Variants in TYW1B observed in about 807,000 individuals in gnomAD.
TYW1B encodes tRNA-yW synthesizing protein 1 homolog B.
In TYW1B, 73 loss-of-function variants were observed where a neutral mutation model predicts 86.9. The ratio of observed to expected loss-of-function variants is 0.84; its 90% confidence interval spans 0.70 to 1.02. The LOEUF (loss-of-function observed/expected upper bound fraction) is 1.02, where lower values mean the gene tolerates loss of function less well. TYW1B is among the 50% of genes least tolerant of loss of function. TYW1B has a pLI of 0.00. For synonymous variants in TYW1B, 248 were observed against 292.8 expected, an observed-to-expected ratio of 0.85 and a Z score of 1.56; for missense variants, 637 against 827.4, an observed-to-expected ratio of 0.77 and a Z score of 2.82.
chr7:72,632,285 G>GTATATATATATATAATATATAT (rs1239640717), intron 11 of TYW1B, among the ~76,000 whole-genome samples: 1 of 83,568 alleles, frequency 1.2e-5, no homozygotes, highest in Admixed American at 1.4e-4. Flanking sequence ...ATATATACGT[G>GTATATATATATATAATATATAT]TATATATATA....
chr7:72,785,848 C>A (rs1258350987), intron 6 of TYW1B, among the ~76,000 whole-genome samples: 1 of 152,104 alleles, frequency 6.6e-6, no homozygotes, highest in Non-Finnish European at 1.5e-5. Context: ...CTTAGTGGCT[C>A]GCACCTGTAA....
intron 7 of TYW1B, among the ~76,000 whole-genome samples, chr7:72,777,119 CTCATA>C (rs1402482183): frequency 6.6e-6 from 1 of 152,086 alleles, no homozygotes; most frequent in Non-Finnish European, 1.5e-5. Context: ...TTAACCCAGT[CTCATA>C]TCATATAAGC....
chr7:72,723,123 A>C, intron 9 of TYW1B: 2 of 762,868 alleles, frequency 2.6e-6, no homozygotes, highest in South Asian at 4.9e-5. Flanking sequence ...CCCTACCCCC[A>C]GGGCTTGTAT....
intron 11 of TYW1B, among the ~76,000 whole-genome samples, chr7:72,670,785 T>G (rs1307577319): frequency 6.6e-6 from 1 of 152,242 alleles, no homozygotes; most frequent in Non-Finnish European, 1.5e-5. Context: ...TGCTTTTCAG[T>G]AGCCACTGTA....
intron 11 of TYW1B, among the ~76,000 whole-genome samples, chr7:72,693,523 C>T (rs1554450821): frequency 6.6e-6 from 1 of 151,628 alleles, no homozygotes; most frequent in East Asian, 1.9e-4. Flanking sequence ...ATTCTCCCAC[C>T]TTAGCCTCCT....
At chr7:72,736,463 G>A (rs1787198651) in intron 8 of TYW1B, among the ~76,000 whole-genome samples, 1 of 152,270 alleles carries the variant, frequency 6.6e-6, no homozygotes, top group Admixed American at 6.5e-5. Flanking sequence ...AATAAATTTT[G>A]CTTCTAAGAG....
chr7:72,822,812 G>C (rs1272507988), intron 2 of TYW1B: 2 of 152,170 alleles, frequency 1.3e-5, no homozygotes, highest in Admixed American at 1.3e-4. Context: ...GCAACATAAG[G>C]AGACCCCATC....
At chr7:72,771,093 G>A (rs1332699989) in intron 7 of TYW1B, among the ~76,000 whole-genome samples, 1 of 151,146 alleles carries the variant, frequency 6.6e-6, no homozygotes, top group Non-Finnish European at 1.5e-5. Flanking sequence ...CTCTCGAATA[G>A]CTGGGATTAC....
chr7:72,641,303 T>C (rs185511915), intron 11 of TYW1B, among the ~76,000 whole-genome samples: 5 of 152,110 alleles, frequency 3.3e-5, no homozygotes, highest in African/African-American at 1.2e-4. Context: ...GATGGCTTCA[T>C]TGCCAAACAT....
intron 12 of TYW1B, among the ~76,000 whole-genome samples, chr7:72,626,338 G>A (rs534723976): frequency 2.0e-5 from 3 of 151,258 alleles, no homozygotes; most frequent in African/African-American, 7.3e-5. Flanking sequence ...GAGCAGAGTT[G>A]GCTTTCCCAG....
chr7:72,742,322 G>A (rs1190753902), intron 8 of TYW1B, among the ~76,000 whole-genome samples: 3 of 152,070 alleles, frequency 2.0e-5, no homozygotes, highest in Non-Finnish European at 2.9e-5. Context: ...TAGAGACAAG[G>A]TTTCATCATG....
intron 8 of TYW1B, among the ~76,000 whole-genome samples, chr7:72,739,264 T>A (rs1787257051): frequency 6.6e-6 from 1 of 152,150 alleles, no homozygotes; most frequent in Admixed American, 6.6e-5. Context: ...TATACTATTC[T>A]CTCTCTGCTT....
chr7:72,807,229 T>C lies in TYW1B; in HGVS notation c.560A>G (p.Lys187Arg). Reference protein sequence around the residue: ...GSIEANFRAWKTKFISQLQAL... With the variant: ...GSIEANFRAWRTKFISQLQAL... ...CTGCAGCTGGGAGATGAACTTGGTC[T>C]TCCATGCTCTGAAGTTGGCCTCAAT... The change falls in exon 5 of 14, where the codon AAG (lysine) becomes AGG (arginine). Residue 187 changes from lysine to arginine, a missense_variant. Lys to Arg is a conservative substitution (Grantham distance 26). Coordinates refer to ENST00000620995, the MANE Select transcript of TYW1B (RefSeq NM_001145440.3). 6.2e-7 allele frequency: 1 copy of C among 1,614,162 alleles called. No homozygotes were observed. Among genetic ancestry groups the C allele is most frequent in the South Asian group, 1.1e-5 (1 of 91,088 alleles).
At chr7:72,585,584 G>A (rs1178814053) in intron 13 of TYW1B, among the ~76,000 whole-genome samples, 1 of 152,120 alleles carries the variant, frequency 6.6e-6, no homozygotes, top group Non-Finnish European at 1.5e-5. Context: ...GGGACCAGGT[G>A]GGAGGTAATT....
intron 8 of TYW1B, among the ~76,000 whole-genome samples, chr7:72,739,956 G>A (rs552452077): frequency 6.7e-6 from 1 of 148,304 alleles, no homozygotes; most frequent in Non-Finnish European, 1.5e-5. Flanking sequence ...TCCAGGCCGG[G>A]TATGGTGGCT....
chr7:72,637,548 T>C (rs1449853271), intron 11 of TYW1B, among the ~76,000 whole-genome samples: 4 of 152,164 alleles, frequency 2.6e-5, no homozygotes, highest in Non-Finnish European at 5.9e-5. Flanking sequence ...CAGGTAATCA[T>C]CAGTTTTGTA....
chr7:72,661,120 G>GT (rs1360653073), intron 11 of TYW1B, among the ~76,000 whole-genome samples: 4 of 149,310 alleles, frequency 2.7e-5, no homozygotes, highest in African/African-American at 9.9e-5. Flanking sequence ...GGACATCAGA[G>GT]TAAGACTCTG....
chr7:72,727,048 G>A (rs76696208), intron 9 of TYW1B, among the ~76,000 whole-genome samples: 2 of 152,026 alleles, frequency 1.3e-5, no homozygotes, highest in South Asian at 2.1e-4. Flanking sequence ...TACCTCCACC[G>A]GTCTCTCTCG....
At position 72,711,473 on chromosome 7, in the gene TYW1B, C is replaced by CTTTTTTTTTTTTTTTTT. The variant is rs59438928; in HGVS notation, c.1370+2131_1370+2147dup. ...CTTCGTGTTTCTCTCCTCTTTAATT[C>CTTTTTTTTTTTTTTTTT]TTTTTTTTTTTTTTTTTTTTTTTTT... On this transcript the variant is annotated intron_variant, in intron 10 of 13. Transcript: ENST00000620995. Among the ~76,000 whole-genome samples the CTTTTTTTTTTTTTTTTT allele has an allele frequency of 1.6e-4, 9 of 56,966 alleles. 2 individuals carry two copies. The highest frequency in any genetic ancestry group is 3.0e-4 in the Admixed American group (1 of 3,282). The allele number at this position is 56,966 out of a possible 152,430, so 37.4% of individuals were successfully genotyped here. A position where few individuals can be genotyped will look rare whatever the true frequency, so the allele number is the denominator to read the frequency against.
Sources: allele counts gnomAD v4.1 joint callset (sites outside exome capture counted in the v4.1 genomes callset), GRCh38; gene constraint gnomAD v4.1.1; transcripts MANE v1.5; gene names NCBI Gene and HGNC (gene_info 2026-07-23, HGNC 2026-07-21).